The following MTHFD1 variants were observed in gnomAD, a reference collection of about 807,000 sequenced individuals.
The protein encoded by MTHFD1 is methylenetetrahydrofolate dehydrogenase, cyclohydrolase and formyltetrahydrofolate synthetase 1.
In MTHFD1, 44 loss-of-function variants were observed where a neutral mutation model predicts 110.3. That is an observed-to-expected ratio of 0.40 (90% CI 0.31 to 0.51). The LOEUF (loss-of-function observed/expected upper bound fraction) is 0.51, where lower values mean the gene tolerates loss of function less well. Among genes scored for constraint, MTHFD1 ranks in the 20% least tolerant of loss-of-function variants. The probability of loss-of-function intolerance (pLI) is 0.60; values close to 1 mark genes in which losing one functional copy is unlikely to be tolerated. For synonymous variants in MTHFD1, 402 were observed against 428.8 expected (o/e 0.94, Z 0.77); for missense variants, 909 against 1,173.1 (o/e 0.77, Z 3.29).
chr14:64,442,011 A>G (rs1334964437), intron 19 of MTHFD1, 43 bp from the exon 20 acceptor site: 2 of 1,315,718 alleles, frequency 1.5e-6, no homozygotes, highest in South Asian at 2.4e-5. Flanking sequence ...CCCACTTTGA[A>G]GCAGGATTGG....
chr14:64,412,531 C>A lies in MTHFD1; in HGVS notation c.240+6C>A, dbSNP rs767442802. Reference sequence around the variant, plus strand: ...GAACAACCACAGAATCTGAGGTGAGCTTTTATGAGTTGATTGTGAAGAGGG... The same window carrying A: ...GAACAACCACAGAATCTGAGGTGAGATTTTATGAGTTGATTGTGAAGAGGG... On this transcript the variant is annotated splice_donor_region_variant and intron_variant, in intron 4 of 27. Transcript: ENST00000652337. 13 of 1,610,042 alleles carry A rather than the reference C, an allele frequency of 8.1e-6. No individual in the cohort carries two copies. In the Admixed American group the frequency reaches 2.2e-4, roughly 27 times the overall value.
intron 1 of MTHFD1, among the ~76,000 whole-genome samples, chr14:64,393,324 G>A (rs1288252602): frequency 6.6e-6 from 1 of 152,122 alleles, no homozygotes; most frequent in Admixed American, 6.5e-5. Flanking sequence ...GCTTGAACCT[G>A]GGAGGAGGAG....
chr14:64,439,011 CT>C, intron 16 of MTHFD1, 84 bp from the exon 17 acceptor site: 1 of 934,974 alleles, frequency 1.1e-6, no homozygotes, highest in Non-Finnish European at 1.8e-6. Context: ...TGAAATTAGA[CT>C]TATTGCTTTA....
chr14:64,459,494 T>C (rs1430711261), intron 27 of MTHFD1, among the ~76,000 whole-genome samples: 1 of 152,178 alleles, frequency 6.6e-6, no homozygotes, highest in Non-Finnish European at 1.5e-5. Context: ...ACACTATTCT[T>C]TGAGAGGGTA....
chr14:64,441,364 C>G (rs766619924), intron 18 of MTHFD1, 21 bp from the exon 19 acceptor site: 14 of 1,612,880 alleles, frequency 8.7e-6, no homozygotes, highest in Non-Finnish European at 1.2e-5. Flanking sequence ...GGAGTTGATG[C>G]TGCACACATT....
chr14:64,441,339 G>T, intron 18 of MTHFD1, 46 bp from the exon 19 acceptor site: 3 of 1,590,102 alleles, frequency 1.9e-6, no homozygotes, highest in Non-Finnish European at 2.6e-6. Flanking sequence ...AGAAGGTTGG[G>T]TTTTTTTGCT....
intron 21 of MTHFD1, among the ~76,000 whole-genome samples, chr14:64,444,364 C>G (rs1046804831): frequency 4.6e-5 from 7 of 152,168 alleles, no homozygotes; most frequent in African/African-American, 1.7e-4. Flanking sequence ...CCCACACTCC[C>G]CTTGACTTCC....
At chr14:64,444,900 G>C (rs966023684) in intron 22 of MTHFD1, 166 bp downstream of exon 22, 3 of 714,530 alleles carry the variant, frequency 4.2e-6, no homozygotes, top group Non-Finnish European at 7.5e-6. Flanking sequence ...TGAGTAGATA[G>C]GGAAGATGTA....
Position 64,431,517 on chromosome 14 carries a change from T to G in MTHFD1, c.1312-15T>G. 4 of 1,600,510 alleles carry G rather than the reference T, an allele frequency of 2.5e-6. No homozygotes were observed. In the South Asian group the frequency reaches 3.3e-5, roughly 13 times the overall value. ...GAGCAGCTGGGAGACTAATGTGGCTTCTGTTCTTTTGTAGTTTAATCTCCA... is the reference window on the plus strand; with the variant it reads ...GAGCAGCTGGGAGACTAATGTGGCTGCTGTTCTTTTGTAGTTTAATCTCCA... On this transcript the variant is annotated splice_polypyrimidine_tract_variant and intron_variant, in intron 13 of 27. Transcript: ENST00000652337.
chr14:64,448,608 T>C (rs1236731072), intron 23 of MTHFD1: 3 of 426,430 alleles, frequency 7.0e-6, no homozygotes, highest in Non-Finnish European at 1.3e-5. Context: ...AGGCCTTTTA[T>C]GCTAACAGAA....
chr14:64,391,317 A>T (rs879657449), intron 1 of MTHFD1, among the ~76,000 whole-genome samples: 6 of 152,080 alleles, frequency 3.9e-5, no homozygotes, highest in Non-Finnish European at 7.4e-5. Flanking sequence ...GGCATGCACT[A>T]CTATGCCCGG....
At chr14:64,454,691 T>C in intron 25 of MTHFD1, 32 bp from the exon 26 acceptor site, 2 of 1,596,464 alleles carry the variant, frequency 1.3e-6, no homozygotes, top group Non-Finnish European at 1.7e-6. Flanking sequence ...CATCTTTTCA[T>C]TTGTCCTCCC....
chr14:64,412,600 T>A, intron 4 of MTHFD1, 75 bp downstream of exon 4: 1 of 1,108,682 alleles, frequency 9.0e-7, no homozygotes, highest in Non-Finnish European at 1.4e-6. Flanking sequence ...ACGGGGGCTT[T>A]GGGGACTGAC....
chr14:64,421,582 T>C (rs751857157), intron 8 of MTHFD1, among the ~76,000 whole-genome samples: 1 of 152,180 alleles, frequency 6.6e-6, no homozygotes, highest in Non-Finnish European at 1.5e-5. Flanking sequence ...ATACTTGCGA[T>C]ATGACATTCA....
At chr14:64,451,502 T>C (rs1181530577) in intron 24 of MTHFD1, among the ~76,000 whole-genome samples, 1 of 152,376 alleles carries the variant, frequency 6.6e-6, no homozygotes, top group Non-Finnish European at 1.5e-5. Flanking sequence ...TTTGATTTTA[T>C]AGGCAAGTTT....
chr14:64,396,204 C>T (rs2077847680), intron 1 of MTHFD1, among the ~76,000 whole-genome samples: 1 of 151,966 alleles, frequency 6.6e-6, no homozygotes, highest in Non-Finnish European at 1.5e-5. Flanking sequence ...ACTGATATAG[C>T]TTTTGCTATA....
chr14:64,388,557 G>T (rs2077781524), intron 1 of MTHFD1, 89 bp downstream of exon 1: 4 of 1,219,310 alleles, frequency 3.3e-6, no homozygotes, highest in Admixed American at 1.7e-5. Flanking sequence ...TTTGCGGGAG[G>T]GACACTTGTA....
At chr14:64,433,350 C>T (rs1304177282) in intron 15 of MTHFD1, among the ~76,000 whole-genome samples, 1 of 152,036 alleles carries the variant, frequency 6.6e-6, no homozygotes, top group Non-Finnish European at 1.5e-5. Flanking sequence ...AACTCCTGAC[C>T]TCAGGTGACC....
rs2077889983 is a variant in MTHFD1, at chr14:64,400,840, A to G, written c.89A>G (p.Gln30Arg). 5 of 1,613,780 alleles carry G rather than the reference A, an allele frequency of 3.1e-6. No individual in the cohort carries two copies. The highest frequency in any genetic ancestry group is 4.2e-6 in the Non-Finnish European group (5 of 1,179,862). Residue 30 changes from glutamine (Q) to arginine (R), a missense_variant, in exon 2 of 28, where the codon CAA becomes CGA. Physicochemically the swap from Gln to Arg is conservative, Grantham distance 43. Transcript: ENST00000652337. ...AATCAAGTCACTCAGTTGAAGGAGC[A>G]AGTACCTGGTTTCACACCACGCCTG... ...LKNQVTQLKE[Q>R]VPGFTPRLAI...
Sources: gnomAD v4.1 joint callset for allele counts (sites outside exome capture counted in the v4.1 genomes callset) on GRCh38, gnomAD v4.1.1 for gene constraint, MANE v1.5 for transcripts, NCBI Gene and HGNC (gene_info 2026-07-23, HGNC 2026-07-21) for gene names.